PPT1: variants seen among roughly 807,000 people sequenced by gnomAD.
PPT1 encodes the protein palmitoyl-protein thioesterase 1, also known as ceroid-palmitoyl-palmitoyl-protein thioesterase 1.
Under a neutral mutation model 44.0 loss-of-function variants are expected in PPT1, and 24 were observed. The ratio of observed to expected loss-of-function variants is 0.54; its 90% CI spans 0.39 to 0.77. The LOEUF is 0.77. PPT1 is among the 30% of genes least tolerant of loss of function. The probability of loss-of-function intolerance (pLI) is 0.00; values close to 1 mark genes in which losing one functional copy is unlikely to be tolerated. For synonymous variants in PPT1, 148 were observed against 140.2 expected, an observed-to-expected ratio of 1.06 and a Z score of -0.39; for missense variants, 341 against 378.8, an observed-to-expected ratio of 0.90 and a Z score of 0.83.
At chr1:40,090,336 GTA>G (rs60593450) in intron 4 of PPT1, among the ~76,000 whole-genome samples, 3 of 150,984 alleles carry the variant, frequency 2.0e-5, no homozygotes, top group African/African-American at 7.3e-5. Flanking sequence ...ATTTTATCGT[GTA>G]TATATATATA....
At position 40,076,863 on chromosome 1, in the gene PPT1, C is replaced by CT. The variant is rs1349528345; in HGVS notation, c.776dup (p.Glu260GlyfsTer35). The CT allele has an allele frequency of 6.2e-7, 1 of 1,614,078 alleles. No homozygotes were observed. Among genetic ancestry groups the CT allele is most frequent in the Non-Finnish European group, 8.5e-7 (1 of 1,180,022 alleles). On this transcript the variant is annotated frameshift_variant, in exon 8 of 9. Coordinates refer to ENST00000642050, the MANE Select transcript of PPT1 (RefSeq NM_000310.4). LOFTEE classifies it high-confidence loss of function. ...TTACCTGTGTGTACAGGGAGGTCTCCTGTAAGGGAATGGTTTCCTTGGCTT... is the reference window on the plus strand; with the variant it reads ...TTACCTGTGTGTACAGGGAGGTCTCCTTGTAAGGGAATGGTTTCCTTGGCTT...
At chr1:40,081,443 G>A (rs1648933127) in intron 5 of PPT1, among the ~76,000 whole-genome samples, 1 of 151,962 alleles carries the variant, frequency 6.6e-6, no homozygotes, top group African/African-American at 2.4e-5. Flanking sequence ...GGCAGAGGGA[G>A]GGAGAATCGC....
chr1:40,096,922 T>A, intron 1 of PPT1, 193 bp downstream of exon 1: 1 of 971,974 alleles, frequency 1.0e-6, no homozygotes. Flanking sequence ...CTTCCCCTTC[T>A]CTCTTTCCAG....
At chr1:40,076,818 C>T in intron 8 of PPT1, 24 bp downstream of exon 8, 1 of 1,613,936 alleles carries the variant, frequency 6.2e-7, no homozygotes, top group African/African-American at 1.3e-5. Context: ...ACCAACCTCC[C>T]AAGATAGACT....
At chr1:40,079,545 C>T (rs752610395) in intron 6 of PPT1, among the ~76,000 whole-genome samples, 1 of 151,876 alleles carries the variant, frequency 6.6e-6, no homozygotes, top group Non-Finnish European at 1.5e-5. Context: ...TACAGGTGAT[C>T]GCCACCACAT....
At chr1:40,089,886 T>C (rs1254246525) in intron 4 of PPT1, among the ~76,000 whole-genome samples, 1 of 151,690 alleles carries the variant, frequency 6.6e-6, no homozygotes, top group Non-Finnish European at 1.5e-5. Context: ...TCCTCATCAA[T>C]AACATTGTTT....
At position 40,092,151 on chromosome 1, in the gene PPT1, A is replaced by G. The variant is rs1570470451; in HGVS notation, c.256T>C (p.Leu86=). 3 of 1,614,136 alleles carry G rather than the reference A, an allele frequency of 1.9e-6. No homozygotes were observed. Among genetic ancestry groups the G allele is most frequent in the Non-Finnish European group, 2.5e-6 (3 of 1,179,966 alleles). Residue 86 remains leucine, a synonymous_variant, in exon 3 of 9, where the codon TTG becomes CTG. Coordinates refer to ENST00000642050, the MANE Select transcript of PPT1 (RefSeq NM_000310.4). ...GTTGTTACTTGGGAATTGACATTCA[A>G]GAAGAAGCTGTTCTCCACGTCCTAA... is the stretch of plus-strand genomic sequence containing the variant. ...LMEDVENSFF[L]NVNSQVTTVC...
rs1649436596 is a variant in PPT1 at position 40,089,432 on chromosome 1, A to T, written c.514T>A (p.Tyr172Asn). 6.2e-7 allele frequency: 1 copy of T among 1,614,032 alleles called. No individual in the cohort carries two copies. Among genetic ancestry groups the T allele is most frequent in the African/African-American group, 1.3e-5 (1 of 74,916 alleles). ...FIRKTLNAGA[Y>N]SKVVQERLVQ... The stretch of plus-strand genomic sequence containing the variant: ...TACCGTTCCTGAACAACTTTGGAGT[A>T]CGCCCCAGCATTCAGTGTTTTTCGG... Residue 172 changes from tyrosine (Y) to asparagine (N), a missense_variant, in exon 5 of 9, where the codon TAC becomes AAC. Tyr to Asn is a moderately radical substitution (Grantham distance 143, BLOSUM62 -2). Coordinates refer to ENST00000642050, the MANE Select transcript of PPT1 (RefSeq NM_000310.4).
chr1:40,080,324 C>G, intron 6 of PPT1, 73 bp downstream of exon 6: 1 of 1,461,476 alleles, frequency 6.8e-7, no homozygotes, highest in Non-Finnish European at 9.6e-7. Flanking sequence ...TAAACAGTCA[C>G]TGCTGATTTG....
At chr1:40,079,861 G>A (rs950355804) in intron 6 of PPT1, among the ~76,000 whole-genome samples, 1 of 152,154 alleles carries the variant, frequency 6.6e-6, no homozygotes, top group Non-Finnish European at 1.5e-5. Flanking sequence ...ATTCTGGGTC[G>A]TTCTGCTATA....
Position 40,097,242 on chromosome 1 carries a change from C to T in PPT1, c.-4G>A. On this transcript the variant is annotated 5_prime_UTR_variant, in exon 1 of 9. Transcript: ENST00000642050. ...ACAGGCAGCCGGGCGACGCCATCTT[C>T]GCTGTGTCACATGACCGCGGGCGCG... The T allele has an allele frequency of 6.2e-7, 1 of 1,613,790 alleles. No individual in the cohort carries two copies. Among genetic ancestry groups the T allele is most frequent in the Non-Finnish European group, 8.5e-7 (1 of 1,179,824 alleles).
chr1:40,085,273 T>C (rs1470767845), intron 5 of PPT1, among the ~76,000 whole-genome samples: 1 of 152,082 alleles, frequency 6.6e-6, no homozygotes, highest in African/African-American at 2.4e-5. Flanking sequence ...TCTCTCTCTC[T>C]CCCCACCTCG....
chr1:40,089,155 C>T lies in PPT1; in HGVS notation c.536+255G>A, dbSNP rs573969659. ...ATACAAAATTAGCCAGGCGTAGTGG[C>T]GCATGCCTGTAATCCCAGCTACTCG... On this transcript the variant is annotated intron_variant, in intron 5 of 8. Transcript: ENST00000642050. Among the ~76,000 whole-genome samples the T allele has an allele frequency of 2.0e-5, 3 of 152,076 alleles. No homozygotes were observed. In the South Asian group the frequency reaches 6.2e-4, roughly 32 times the overall value.
chr1:40,092,539 T>C (rs1177991439), intron 1 of PPT1, 32 bp from the exon 2 acceptor site: 2 of 1,486,740 alleles, frequency 1.3e-6, no homozygotes, highest in Non-Finnish European at 1.9e-6. Flanking sequence ...TGGAAACTCA[T>C]GAGTCCAAAT....
rs201265025 is a variant in PPT1, at chr1:40,080,398, C to A, written c.626G>T (p.Arg209Leu). 6.2e-7 allele frequency: 1 copy of A among 1,613,714 alleles called. No individual in the cohort carries two copies. Among genetic ancestry groups the A allele is most frequent in the Non-Finnish European group, 8.5e-7 (1 of 1,179,712 alleles). ...SIFLADINQE[R>L]GINESYKKNL... ...TGGGAGCCCGGTTTGGGTGCTTACC[C>A]GCTCCTGATTTATATCTGCCAAGAA... Residue 209 changes from arginine to leucine, a missense_variant and splice_region_variant, in exon 6 of 9, where the codon CGG becomes CTG. By Grantham distance (102) the Arg-to-Leu change is moderately radical (BLOSUM62 -2). Transcript: ENST00000642050.
chr1:40,082,045 A>G (rs1648969933), intron 5 of PPT1: 1 of 152,340 alleles, frequency 6.6e-6, no homozygotes, highest in African/African-American at 2.4e-5. Flanking sequence ...TTTCTTTCCA[A>G]TCTCTCTCCA....
chr1:40,075,477 C>CTTTTTTTTTTTTTTTTTTTTTT lies in PPT1; in HGVS notation c.799-1295_799-1294insAAAAAAAAAAAAAAAAAAAAAA, dbSNP rs5773686. 1.4e-5 allele frequency among the ~76,000 whole-genome samples: 2 copies of CTTTTTTTTTTTTTTTTTTTTTT among 144,702 alleles called. 1 individual carries two copies. 94.9% of individuals were successfully genotyped at this position (144,702 alleles called of 152,430 possible). ...AGTTCTTAGCTGTAATTTCTCAAGC[C>CTTTTTTTTTTTTTTTTTTTTTT]TTTTTTTTTTTTTTTCTCAAATCAG... On this transcript the variant is annotated intron_variant, in intron 8 of 8. Transcript: ENST00000642050.
downstream of PPT1, chr1:40,071,595 G>T (rs1648048478): frequency 2.8e-6 from 3 of 1,084,110 alleles, no homozygotes; most frequent in Admixed American, 1.9e-5. Flanking sequence ...GTATCAAGAC[G>T]GTTCTTTTCT....
intron 8 of PPT1, 34 bp from the exon 9 acceptor site, chr1:40,074,217 C>T: frequency 6.2e-7 from 1 of 1,613,344 alleles, no homozygotes; most frequent in Admixed American, 1.7e-5. Context: ...AATTAAAAAG[C>T]TTAATGAAGT....
Sources: allele counts gnomAD v4.1 joint callset (sites outside exome capture counted in the v4.1 genomes callset), GRCh38; gene constraint gnomAD v4.1.1; transcripts MANE v1.5; gene names NCBI Gene and HGNC (gene_info 2026-07-23, HGNC 2026-07-21).